Variants in NCOR1 observed in about 807,000 individuals in gnomAD.
The protein encoded by NCOR1 is protein phosphatase 1, regulatory subunit 109.
A neutral mutation model predicts 288.1 loss-of-function variants in NCOR1; 63 were observed. That is an observed-to-expected ratio of 0.22 (90% confidence interval 0.18 to 0.27). The LOEUF (loss-of-function observed/expected upper bound fraction) is 0.27. Ranked by LOEUF, NCOR1 falls within the 10% of genes least tolerant of loss-of-function variation. The pLI is 1.00. For missense variants in NCOR1, 2,397 were observed against 3,019.2 expected, an observed-to-expected ratio of 0.79 and a Z score of 4.83; for synonymous variants, 1,007 against 1,065.9, an observed-to-expected ratio of 0.94 and a Z score of 1.08.
At chr17:16,134,757 C>T (rs1238799536) in intron 14 of NCOR1, among the ~76,000 whole-genome samples, 1 of 152,208 alleles carries the variant, frequency 6.6e-6, no homozygotes, top group African/African-American at 2.4e-5. Context: ...TAAGTATCAC[C>T]TTATCTCTTA....
intron 21 of NCOR1, among the ~76,000 whole-genome samples, chr17:16,094,302 T>A (rs934026522): frequency 6.6e-6 from 1 of 152,194 alleles, no homozygotes; most frequent in Non-Finnish European, 1.5e-5. Flanking sequence ...TATCTTAAAC[T>A]AATCACTCAA....
In NCOR1 at chr17:16,215,479, C is replaced by T. The variant is rs184786566; in HGVS notation, c.-188G>A. 2,820 of 398,716 alleles carry T rather than the reference C, an allele frequency of 7.1e-3. 47 individuals are homozygous for T. The highest frequency in any genetic ancestry group is 0.037 in the African/African-American group (1,816 of 48,684). The allele number at this position is 398,716 out of a possible 1,614,324, so 24.7% of individuals were successfully genotyped here. A position where few individuals can be genotyped will look rare whatever the true frequency, so the allele number is the denominator to read the frequency against. On this transcript the variant is annotated 5_prime_UTR_variant, in exon 1 of 46. Coordinates refer to ENST00000268712, the MANE Select transcript of NCOR1 (RefSeq NM_006311.4). Reference sequence around the variant, plus strand: ...GGCGCGGCGAGTCGGACGCTCACTCCAGCCGCCGCCGCCGCCGCGGCTGCT... The same window carrying T: ...GGCGCGGCGAGTCGGACGCTCACTCTAGCCGCCGCCGCCGCCGCGGCTGCT...
At position 16,029,787 on chromosome 17, in the gene NCOR1, C is replaced by T. The variant is rs1275197905; in HGVS notation, c.*2509G>A. The T allele has an allele frequency of 6.6e-6, 1 of 152,520 alleles. No individual in the cohort carries two copies. Among genetic ancestry groups the T allele is most frequent in the Non-Finnish European group, 1.5e-5 (1 of 68,272 alleles). The allele number at this position is 152,520 out of a possible 1,614,324, so 9.4% of individuals were successfully genotyped here. A position where few individuals can be genotyped will look rare whatever the true frequency, so the allele number is the denominator to read the frequency against. On this transcript the variant is annotated 3_prime_UTR_variant, in exon 46 of 46. Coordinates refer to ENST00000268712, the MANE Select transcript of NCOR1 (RefSeq NM_006311.4). ...ACCAAGAACTATTATTGGATTTTAA[C>T]TCTCATTCTGAGATTTCTTCTCCAG...
intron 4 of NCOR1, among the ~76,000 whole-genome samples, chr17:16,166,526 A>G (rs1237544972): frequency 6.6e-6 from 1 of 152,076 alleles, no homozygotes; most frequent in Non-Finnish European, 1.5e-5. Context: ...TAAAAAATAC[A>G]AAAATTAGCT....
chr17:16,101,148 C>T lies in NCOR1; in HGVS notation c.2690+102G>A, dbSNP rs955400582. 1.7e-5 allele frequency: 21 copies of T among 1,225,104 alleles called. No homozygotes were observed. In the Admixed American group the frequency reaches 3.7e-4, roughly 22 times the overall value. The allele number at this position is 1,225,104 out of a possible 1,614,324, so 75.9% of individuals were successfully genotyped here. Reference sequence around the variant, plus strand: ...AATTGTACAGACTACCTATAACGTGCCAATATTTACATAGGAGACATGTCT... The same window carrying T: ...AATTGTACAGACTACCTATAACGTGTCAATATTTACATAGGAGACATGTCT... On this transcript the variant is annotated intron_variant, in intron 20 of 45. Coordinates refer to ENST00000268712, the MANE Select transcript of NCOR1 (RefSeq NM_006311.4).
intron 3 of NCOR1, among the ~76,000 whole-genome samples, chr17:16,185,874 C>T (rs982509264): frequency 1.4e-5 from 2 of 145,130 alleles, no homozygotes; most frequent in South Asian, 4.4e-4. Flanking sequence ...GAGGTTGAGG[C>T]TGCAATGAGC....
intron 21 of NCOR1, among the ~76,000 whole-genome samples, chr17:16,095,547 A>G (rs1458019383): frequency 8.1e-6 from 1 of 123,278 alleles, no homozygotes; most frequent in Non-Finnish European, 1.7e-5. Context: ...TTGGGGGGTC[A>G]GCCCCCCGCC....
chr17:16,105,795 A>C (rs980909351), intron 19 of NCOR1, among the ~76,000 whole-genome samples: 3 of 152,188 alleles, frequency 2.0e-5, no homozygotes, highest in African/African-American at 7.2e-5. Flanking sequence ...ACATGTAGTA[A>C]GGTTTTAATA....
At chr17:16,155,054 G>A (rs934685184) in intron 6 of NCOR1, among the ~76,000 whole-genome samples, 11 of 151,904 alleles carry the variant, frequency 7.2e-5, no homozygotes, top group South Asian at 2.1e-4. Flanking sequence ...AAATCAACCC[G>A]TCAAAATATA....
intron 11 of NCOR1, among the ~76,000 whole-genome samples, chr17:16,140,030 C>G (rs1008657175): frequency 6.6e-6 from 1 of 152,176 alleles, no homozygotes; most frequent in Admixed American, 6.5e-5. Flanking sequence ...GAAATTACCT[C>G]AATACATAAA....
chr17:16,044,319 T>A, intron 42 of NCOR1: 1 of 459,184 alleles, frequency 2.2e-6, no homozygotes, highest in Non-Finnish European at 4.5e-6. Flanking sequence ...GAAACAGTGG[T>A]GACACTGGCT....
At chr17:16,087,474 A>C (rs1311414289) in intron 22 of NCOR1, 1 of 375,714 alleles carries the variant, frequency 2.7e-6, no homozygotes, top group Non-Finnish European at 4.7e-6. Flanking sequence ...TCCTGGGGGC[A>C]AAATTCACCC....
chr17:16,152,066 T>C (rs2078948033), intron 7 of NCOR1, 68 bp from the exon 8 acceptor site: 3 of 1,102,044 alleles, frequency 2.7e-6, no homozygotes, highest in Admixed American at 4.9e-5. Context: ...CAAAGAAACA[T>C]AATTTTAATG....
chr17:16,213,971 G>A (rs2092358400), intron 1 of NCOR1, among the ~76,000 whole-genome samples: 2 of 152,118 alleles, frequency 1.3e-5, no homozygotes, highest in African/African-American at 4.8e-5. Flanking sequence ...AATTAATCTT[G>A]ATTTCCATTA....
chr17:16,136,590 G>A (rs576380228), intron 14 of NCOR1, among the ~76,000 whole-genome samples: 6 of 152,084 alleles, frequency 3.9e-5, no homozygotes, highest in Non-Finnish European at 8.8e-5. Context: ...GTGGATCATG[G>A]AAGTCAGGAG....
In NCOR1 at chr17:16,196,223, A is replaced by G. The variant is rs144479215; in HGVS notation, c.-70-1584T>C. ...TTAGTAAAGTTTTAATTTTGTTTCC[A>G]TCATTTCAAGGGATTTGGGAAGAGG... On this transcript the variant is annotated intron_variant, in intron 1 of 45. Coordinates refer to ENST00000268712, the MANE Select transcript of NCOR1 (RefSeq NM_006311.4). Among the ~76,000 whole-genome samples, 1,144 of 151,494 alleles carry G rather than the reference A, an allele frequency of 7.6e-3. 19 individuals are homozygous for G. Among genetic ancestry groups the G allele is most frequent in the East Asian group, 0.049 (255 of 5,172 alleles).
At chr17:16,174,184 T>C (rs1174985203) in intron 3 of NCOR1, among the ~76,000 whole-genome samples, 2 of 152,138 alleles carry the variant, frequency 1.3e-5, no homozygotes, top group Non-Finnish European at 2.9e-5. Flanking sequence ...TTTGCAGAAA[T>C]AGAAAAACTC....
intron 4 of NCOR1, among the ~76,000 whole-genome samples, chr17:16,170,653 G>T (rs962432006): frequency 6.6e-6 from 1 of 151,974 alleles, no homozygotes; most frequent in African/African-American, 2.4e-5. Context: ...TGGCCAACAC[G>T]GTGAAACCCT....
At position 16,121,075 on chromosome 17, in the gene NCOR1, G is replaced by A. The variant is rs778685775; in HGVS notation, c.1829C>T (p.Pro610Leu). ...AAAATEEPPP[P>L]LPPPPEPIST... Reference sequence around the variant, plus strand: ...ACTGGGTTCTGGTGGCGGTGGCAGAGGTGGTGGGGGCTCTTCAGTAGCCGC... The same window carrying A: ...ACTGGGTTCTGGTGGCGGTGGCAGAAGTGGTGGGGGCTCTTCAGTAGCCGC... Residue 610 changes from proline to leucine, a missense_variant, in exon 16 of 46, where the codon CCT (proline) becomes CTT (leucine). Physicochemically the swap from Pro to Leu is moderately conservative, Grantham distance 98. Around this residue, in one of 11 missense-constraint regions of NCOR1, gnomAD observed 113 missense variants for 139.5 expected, o/e 0.81. Transcript: ENST00000268712. 6.2e-7 allele frequency: 1 copy of A among 1,613,792 alleles called. No homozygotes were observed. Among genetic ancestry groups the A allele is most frequent in the Admixed American group, 1.7e-5 (1 of 59,998 alleles).
Sources: allele counts gnomAD v4.1 joint callset (sites outside exome capture counted in the v4.1 genomes callset), GRCh38; gene constraint gnomAD v4.1.1; regional missense constraint gnomAD v4.1.1; transcripts MANE v1.5; gene names NCBI Gene and HGNC (gene_info 2026-07-23, HGNC 2026-07-21).